FBXL17: variants seen among roughly 807,000 people sequenced by gnomAD.
The protein encoded by FBXL17 is F-box/LRR-repeat protein 17.
In FBXL17, 22 loss-of-function variants were observed where a neutral mutation model predicts 66.2. That is an observed-to-expected ratio of 0.33 (90% CI 0.24 to 0.47). FBXL17 has a LOEUF of 0.47. Among genes scored for constraint, FBXL17 ranks in the 20% least tolerant of loss-of-function variants. The pLI is 1.00. For missense variants in FBXL17, 878 were observed against 948.2 expected (o/e 0.93, Z 0.97); for synonymous variants, 474 against 400.5 (o/e 1.18, Z -2.19).
chr5:108,143,878 C>A (rs961002682), intron 6 of FBXL17, among the ~76,000 whole-genome samples: 1 of 151,906 alleles, frequency 6.6e-6, no homozygotes, highest in Non-Finnish European at 1.5e-5. Context: ...TCTTTAATTT[C>A]TTAGTCTATG....
intron 6 of FBXL17, among the ~76,000 whole-genome samples, chr5:108,030,935 C>A (rs1480065333): frequency 2.0e-5 from 3 of 152,002 alleles, no homozygotes; most frequent in African/African-American, 4.8e-5. Flanking sequence ...AAAGTTAGAG[C>A]ATAAATTCAT....
At chr5:107,979,167 G>A (rs141747392) in intron 7 of FBXL17, among the ~76,000 whole-genome samples, 35 of 152,208 alleles carry the variant, frequency 2.3e-4, no homozygotes, top group African/African-American at 8.4e-4. Context: ...AGCTCAATAA[G>A]CTTTATACAT....
At position 108,380,812 on chromosome 5, in the gene FBXL17, C is replaced by CATG. The variant is rs1188868872; in HGVS notation, c.877_879dup (p.His293dup). On this transcript the variant is annotated inframe_insertion, in exon 1 of 9. Transcript: ENST00000542267. ...TCCCGACAGTCCGCGTCGCCACATT[C>CATG]ATGCTGCTGCTGGGCGGACAAGGGG... is the stretch of plus-strand genomic sequence containing the variant. The CATG allele has an allele frequency of 4.8e-6, 6 of 1,248,194 alleles. No homozygotes were observed. Among genetic ancestry groups the CATG allele is most frequent in the Non-Finnish European group, 5.1e-6 (5 of 988,252 alleles). The allele number at this position is 1,248,194 out of a possible 1,614,324, so 77.3% of individuals were successfully genotyped here. A position where few individuals can be genotyped will look rare whatever the true frequency, so the allele number is the denominator to read the frequency against.
chr5:108,048,052 T>C lies in FBXL17; in HGVS notation c.1746-27051A>G, dbSNP rs538676638. 1.2e-4 allele frequency among the ~76,000 whole-genome samples: 19 copies of C among 152,322 alleles called. No homozygotes were observed. The South Asian group carries it at 3.9e-3, about 32-fold the overall frequency. ...AAAGAGCGATCCTACTCGCATCATG[T>C]TGGTGTCCCTCAAGGTCAGAGATCC... is the stretch of plus-strand genomic sequence containing the variant. On this transcript the variant is annotated intron_variant, in intron 6 of 8. Transcript: ENST00000542267.
intron 6 of FBXL17, among the ~76,000 whole-genome samples, chr5:108,155,924 C>A (rs1751979098): frequency 6.6e-6 from 1 of 152,092 alleles, no homozygotes; most frequent in South Asian, 2.1e-4. Flanking sequence ...ATCAAAATTA[C>A]ATAATTCTTA....
At chr5:108,059,774 G>A (rs1198816766) in intron 6 of FBXL17, among the ~76,000 whole-genome samples, 1 of 151,958 alleles carries the variant, frequency 6.6e-6, no homozygotes, top group Admixed American at 6.6e-5. Context: ...GCTAATACAC[G>A]TACAATTTTA....
intron 7 of FBXL17, among the ~76,000 whole-genome samples, chr5:107,917,232 C>A (rs1252263681): frequency 2.0e-5 from 3 of 152,128 alleles, no homozygotes; most frequent in African/African-American, 4.8e-5. Context: ...CTTTATTTTT[C>A]TATTCTAATT....
intron 6 of FBXL17, among the ~76,000 whole-genome samples, chr5:108,156,966 A>C (rs1752019064): frequency 6.6e-6 from 1 of 151,894 alleles, no homozygotes. Flanking sequence ...TTTCAAAATT[A>C]AGTTATATAA....
intron 7 of FBXL17, among the ~76,000 whole-genome samples, chr5:107,899,816 G>A (rs1418670462): frequency 6.6e-6 from 1 of 152,072 alleles, no homozygotes; most frequent in Non-Finnish European, 1.5e-5. Flanking sequence ...TCCTGAGGAG[G>A]GGGAGTGAGG....
chr5:107,893,452 G>A (rs1749267804), intron 7 of FBXL17, among the ~76,000 whole-genome samples: 1 of 152,162 alleles, frequency 6.6e-6, no homozygotes, highest in African/African-American at 2.4e-5. Context: ...TACATTAGAA[G>A]GGCCTAGAAG....
intron 6 of FBXL17, among the ~76,000 whole-genome samples, chr5:108,180,590 T>A (rs911880949): frequency 6.6e-6 from 1 of 152,118 alleles, no homozygotes; most frequent in Non-Finnish European, 1.5e-5. Context: ...ATTTTGTAGA[T>A]CTTATTTTTT....
chr5:108,325,922 C>G (rs886308071), intron 4 of FBXL17, among the ~76,000 whole-genome samples: 8 of 152,276 alleles, frequency 5.3e-5, no homozygotes, highest in Admixed American at 3.3e-4. Flanking sequence ...AAAGACTCTA[C>G]TCATTCAAAA....
chr5:108,215,016 G>A (rs528051570), intron 5 of FBXL17, among the ~76,000 whole-genome samples: 173 of 152,244 alleles, frequency 1.1e-3, no homozygotes, highest in Non-Finnish European at 2.0e-3. Context: ...CCATGTTACA[G>A]CCATATTATA....
At chr5:108,049,866 T>C (rs562160326) in intron 6 of FBXL17, among the ~76,000 whole-genome samples, 3 of 151,772 alleles carry the variant, frequency 2.0e-5, no homozygotes, top group East Asian at 1.9e-4. Flanking sequence ...AGACACACTA[T>C]ACAAAATAAA....
intron 6 of FBXL17, among the ~76,000 whole-genome samples, chr5:108,176,035 T>A (rs1354669115): frequency 1.3e-5 from 2 of 152,162 alleles, no homozygotes; most frequent in African/African-American, 2.4e-5. Context: ...GTTTGGTGAA[T>A]TAAGAATAAG....
intron 4 of FBXL17, among the ~76,000 whole-genome samples, chr5:108,302,518 T>C (rs1031245250): frequency 1.3e-5 from 2 of 151,792 alleles, no homozygotes; most frequent in Non-Finnish European, 1.5e-5. Context: ...AATTAAGAGA[T>C]ACTTACAAGA....
intron 6 of FBXL17, among the ~76,000 whole-genome samples, chr5:108,134,580 C>T (rs1453865644): frequency 2.6e-5 from 4 of 152,048 alleles, no homozygotes; most frequent in Admixed American, 1.3e-4. Context: ...CAAAATGGGC[C>T]CAGCTCAGTG....
chr5:108,214,829 T>A (rs944214772), intron 5 of FBXL17, among the ~76,000 whole-genome samples: 5 of 152,196 alleles, frequency 3.3e-5, no homozygotes, highest in African/African-American at 1.2e-4. Flanking sequence ...TACAGTTCAA[T>A]GGTTTTTAGT....
chr5:108,004,291 C>T lies in FBXL17; in HGVS notation c.1822+16634G>A, dbSNP rs142084143. Among the ~76,000 whole-genome samples, 19 of 152,094 alleles carry T rather than the reference C, an allele frequency of 1.2e-4. No individual in the cohort carries two copies. In the East Asian group the frequency reaches 1.4e-3, roughly 11 times the overall value. On this transcript the variant is annotated intron_variant, in intron 7 of 8. Coordinates refer to ENST00000542267, the MANE Select transcript of FBXL17 (RefSeq NM_001163315.3). ...TGAAAGCCTCATACATTTCAGTTAACGAACACTATTTTCCCCATTTTTTAA... is the reference window on the plus strand; with the variant it reads ...TGAAAGCCTCATACATTTCAGTTAATGAACACTATTTTCCCCATTTTTTAA...
Sources: gnomAD v4.1 joint callset for allele counts (sites outside exome capture counted in the v4.1 genomes callset) on GRCh38, gnomAD v4.1.1 for gene constraint, MANE v1.5 for transcripts, NCBI Gene and HGNC (gene_info 2026-07-23, HGNC 2026-07-21) for gene names.